NHSL1: variants seen among roughly 807,000 people sequenced by gnomAD.
The protein encoded by NHSL1 is NHS-like protein 1.
Under a neutral mutation model 95.0 loss-of-function variants are expected in NHSL1, and 48 were observed. That is an observed-to-expected ratio of 0.51 (90% confidence interval 0.40 to 0.64). NHSL1 has a LOEUF of 0.64. NHSL1 is among the 30% of genes least tolerant of loss of function. NHSL1 has a pLI of 0.00. For synonymous variants in NHSL1, 783 were observed against 833.9 expected (o/e 0.94, Z 1.05); for missense variants, 1,971 against 2,077.7 (o/e 0.95, Z 1.00).
intron 1 of NHSL1, among the ~76,000 whole-genome samples, chr6:138,584,548 T>C (rs1409975713): frequency 6.6e-6 from 1 of 152,206 alleles, no homozygotes; most frequent in Non-Finnish European, 1.5e-5. Flanking sequence ...CAATTACTTT[T>C]GTTACAGTCT....
chr6:138,668,616 ATTTT>A (rs940527753), intron 1 of NHSL1, among the ~76,000 whole-genome samples: 53 of 149,504 alleles, frequency 3.5e-4, no homozygotes, highest in Admixed American at 2.7e-3. Flanking sequence ...AAAACAAGAA[ATTTT>A]TTTTTCTTTT....
At position 138,571,902 on chromosome 6, in the gene NHSL1, C is replaced by T. The variant is rs1783854237; in HGVS notation, c.10G>A (p.Glu4Lys). 5 of 1,551,176 alleles carry T rather than the reference C, an allele frequency of 3.2e-6. No individual in the cohort carries two copies. The African/African-American group carries it at 4.1e-5, about 13-fold the overall frequency. ...AGTCTGAAGGAACCTGAAGAGCCTT[C>T]CTTTTTCATCTTCTTTTCAAAATCA... The change falls in exon 1 of 7, where the codon GAA (glutamate) becomes AAA (lysine). Residue 4 changes from glutamate to lysine, a missense_variant. Coordinates refer to the NHSL1 transcript ENST00000427025.
intron 1 of NHSL1, among the ~76,000 whole-genome samples, chr6:138,608,745 C>A (rs1784468566): frequency 6.6e-6 from 1 of 152,206 alleles, no homozygotes; most frequent in Admixed American, 6.5e-5. Flanking sequence ...TCAACTGCCA[C>A]TACAAACAAA....
intron 3 of NHSL1, among the ~76,000 whole-genome samples, chr6:138,455,496 GCCCCGCCTTCACATGC>G (rs1777535632): frequency 1.2e-5 from 1 of 86,132 alleles, no homozygotes; most frequent in African/African-American, 5.4e-5. Context: ...CCTGCAAGGA[GCCCCGCCTTCACATGC>G]TCCCTGCAAG....
chr6:138,431,842 T>G lies in NHSL1; in HGVS notation c.2503A>C (p.Lys835Gln), dbSNP rs1446951519. 6.4e-7 allele frequency: 1 copy of G among 1,551,686 alleles called. No individual in the cohort carries two copies. The highest frequency in any genetic ancestry group is 2.0e-5 in the Admixed American group (1 of 51,010). The change falls in exon 6 of 8, where the codon AAG becomes CAG. Residue 835 changes from lysine (K) to glutamine (Q), a missense_variant. Physicochemically the swap from Lys to Gln is moderately conservative, Grantham distance 53. Transcript: ENST00000343505. The surrounding 1 kb of genome is among the most constrained non-coding windows in gnomAD (Gnocchi z 4.0). ...TGTGACTTCTCTGGTGACATGATCT[T>G]TGGTTTGACTGAACCACCGGGCACT... ...PQVPGGSVKPKIMSPEKSHRV... is the reference protein window; with the variant it reads ...PQVPGGSVKPQIMSPEKSHRV...
chr6:138,584,980 T>C (rs2114502235), intron 1 of NHSL1, among the ~76,000 whole-genome samples: 1 of 152,298 alleles, frequency 6.6e-6, no homozygotes, highest in Middle Eastern at 3.4e-3. Context: ...TTAACAGCTG[T>C]ACTCACCCTT....
chr6:138,537,141 A>G (rs902234036), intron 1 of NHSL1, among the ~76,000 whole-genome samples: 12 of 152,222 alleles, frequency 7.9e-5, no homozygotes, highest in African/African-American at 2.2e-4. Context: ...AGCAGTTCAA[A>G]TCTTGTTTTA....
upstream of NHSL1, among the ~76,000 whole-genome samples, chr6:138,693,201 A>G (rs1212051756): frequency 6.6e-6 from 1 of 151,154 alleles, no homozygotes; most frequent in East Asian, 2.0e-4. This position sits in a 1 kb window ranked among gnomAD's most constrained non-coding sequence, Gnocchi z 4.3. Flanking sequence ...AAGCGAGGGA[A>G]GTGCCGCCGA....
intron 1 of NHSL1, among the ~76,000 whole-genome samples, chr6:138,676,526 C>T (rs1038948774): frequency 2.0e-5 from 3 of 152,200 alleles, no homozygotes; most frequent in Non-Finnish European, 4.4e-5. Context: ...ATTACCATCT[C>T]AAGTATTAGT....
At chr6:138,618,519 T>C (rs1179788193) in intron 1 of NHSL1, among the ~76,000 whole-genome samples, 2 of 152,218 alleles carry the variant, frequency 1.3e-5, no homozygotes, top group East Asian at 1.9e-4. Flanking sequence ...GTTTAGGTCA[T>C]TGCAGAAAAG....
At chr6:138,489,944 G>A (rs1244446606) in intron 2 of NHSL1, among the ~76,000 whole-genome samples, 8 of 63,374 alleles carry the variant, frequency 1.3e-4, no homozygotes, top group Admixed American at 1.1e-3. Flanking sequence ...GGGGGAGAGA[G>A]GGAGAGAAGG....
Position 138,432,224 on chromosome 6 carries a change from C to T in NHSL1, c.2121G>A (p.Ser707=), listed in dbSNP as rs756823851. The change falls in exon 6 of 8, where the codon TCG becomes TCA. Residue 707 remains serine (S), a synonymous_variant. Coordinates refer to ENST00000343505, the MANE Select transcript of NHSL1 (RefSeq NM_001144060.2). The surrounding 1 kb of genome is among the most constrained non-coding windows in gnomAD (Gnocchi z 4.4). The part of the protein sequence containing the change: ...NESLIATLQH[S]LQLSLPGKSG... ...TCTTGCCTGGGAGGCTCAGCTGCAG[C>T]GAGTGCTGGAGTGTGGCGATCAGGC... 7 of 1,546,912 alleles carry T rather than the reference C, an allele frequency of 4.5e-6. No individual in the cohort carries two copies. Among genetic ancestry groups the T allele is most frequent in the Non-Finnish European group, 4.4e-6 (5 of 1,144,346 alleles).
Position 138,448,249 on chromosome 6 carries a change from T to C in NHSL1, c.340-1056A>G, listed in dbSNP as rs150802689. Among the ~76,000 whole-genome samples, 618 of 152,280 alleles carry C rather than the reference T, an allele frequency of 4.1e-3. 15 individuals are homozygous for C. The highest frequency in any genetic ancestry group is 0.03 in the Admixed American group (453 of 15,288). ...GCTCCACAGCAGCTGGTTCTGTGACTAAGATGCTCCAAGAAGGCCAAATGA... is the reference window on the plus strand; with the variant it reads ...GCTCCACAGCAGCTGGTTCTGTGACCAAGATGCTCCAAGAAGGCCAAATGA... On this transcript the variant is annotated intron_variant, in intron 3 of 7. Coordinates refer to ENST00000343505, the MANE Select transcript of NHSL1 (RefSeq NM_001144060.2).
At chr6:138,436,203 T>C (rs547297456) in intron 5 of NHSL1, among the ~76,000 whole-genome samples, 3 of 152,306 alleles carry the variant, frequency 2.0e-5, no homozygotes, top group African/African-American at 7.2e-5. Flanking sequence ...GGAAGGCATG[T>C]CAAAAGCTAA....
chr6:138,576,726 C>G (rs541423440), upstream of NHSL1, among the ~76,000 whole-genome samples: 5 of 152,192 alleles, frequency 3.3e-5, no homozygotes, highest in Non-Finnish European at 1.5e-5. Flanking sequence ...ACCAGCGGGA[C>G]GGAAGCCCCA....
At chr6:138,473,976 T>G (rs1384891640) in intron 2 of NHSL1, among the ~76,000 whole-genome samples, 2 of 152,184 alleles carry the variant, frequency 1.3e-5, no homozygotes, top group Non-Finnish European at 2.9e-5. Context: ...TCAAACAGCC[T>G]GTAAATGCTG....
intron 1 of NHSL1, among the ~76,000 whole-genome samples, chr6:138,634,240 A>C (rs1381335229): frequency 6.6e-6 from 1 of 152,150 alleles, no homozygotes; most frequent in African/African-American, 2.4e-5. Context: ...AATGGACTAA[A>C]CTCTCCAATC....
chr6:138,580,364 CAAG>C (rs1784034498), intron 1 of NHSL1, among the ~76,000 whole-genome samples: 1 of 152,092 alleles, frequency 6.6e-6, no homozygotes, highest in African/African-American at 2.4e-5. Context: ...ATACAAGAAA[CAAG>C]TAGTAGGCCT....
At chr6:138,552,522 G>A (rs1269928334) in intron 1 of NHSL1, among the ~76,000 whole-genome samples, 1 of 152,078 alleles carries the variant, frequency 6.6e-6, no homozygotes, top group Non-Finnish European at 1.5e-5. Context: ...CTTGACATCA[G>A]TCAAGAAAGT....
Sources: gnomAD v4.1 joint callset for allele counts (sites outside exome capture counted in the v4.1 genomes callset) on GRCh38, gnomAD v4.1.1 for gene constraint, Gnocchi (gnomAD v3.1) non-coding constraint, MANE v1.5 for transcripts, NCBI Gene and HGNC (gene_info 2026-07-23, HGNC 2026-07-21) for gene names.